Variants in CD160 observed in about 807,000 individuals in gnomAD.
CD160 encodes CD160 molecule, also known as CD160 antigen.
In CD160, 11 loss-of-function variants were observed where a neutral mutation model predicts 19.2. The ratio of observed to expected loss-of-function variants is 0.57; its 90% CI spans 0.36 to 0.95. The LOEUF (loss-of-function observed/expected upper bound fraction) is 0.95, where lower values mean the gene tolerates loss of function less well. CD160 is among the 40% of genes least tolerant of loss of function. The probability of loss-of-function intolerance (pLI) is 0.01; values close to 1 mark genes in which losing one functional copy is unlikely to be tolerated. For synonymous variants in CD160, 75 were observed against 81.1 expected (o/e 0.93, Z 0.40); for missense variants, 182 against 213.2 (o/e 0.85, Z 0.91).
intron 2 of CD160, among the ~76,000 whole-genome samples, chr1:145,725,359 C>A (rs184939545): frequency 6.6e-6 from 1 of 151,992 alleles, no homozygotes; most frequent in African/African-American, 2.4e-5. Flanking sequence ...GCAGGAGAAT[C>A]GCTTGAACCC....
chr1:145,727,553 T>A (rs1016218894), intron 2 of CD160, among the ~76,000 whole-genome samples: 3 of 152,106 alleles, frequency 2.0e-5, no homozygotes, highest in African/African-American at 7.2e-5. Context: ...AAGATAGATA[T>A]GTTGTATTTA....
intron 4 of CD160, among the ~76,000 whole-genome samples, chr1:145,734,696 A>C (rs1657414960): frequency 6.6e-6 from 1 of 152,236 alleles, no homozygotes; most frequent in African/African-American, 2.4e-5. Flanking sequence ...CTAAGGAAGA[A>C]TGCTTTTCTC....
At chr1:145,726,041 AAG>A (rs1422633293) in intron 2 of CD160, among the ~76,000 whole-genome samples, 2 of 152,178 alleles carry the variant, frequency 1.3e-5, no homozygotes, top group African/African-American at 4.8e-5. Flanking sequence ...GAATGATATA[AAG>A]AGACTGAAAA....
chr1:145,735,628 G>C (rs374902790), intron 4 of CD160, among the ~76,000 whole-genome samples: 3 of 151,926 alleles, frequency 2.0e-5, no homozygotes, highest in South Asian at 2.1e-4. Flanking sequence ...AAAAAACCCA[G>C]ATCTATTCCA....
At chr1:145,724,042 G>T (rs782664375) in intron 1 of CD160, among the ~76,000 whole-genome samples, 2 of 152,086 alleles carry the variant, frequency 1.3e-5, no homozygotes, top group African/African-American at 4.8e-5. Context: ...CCAAAGCTCC[G>T]TAACAATGTA....
At chr1:145,737,255 GAAA>G (rs879979156) in intron 5 of CD160, 46 of 85,778 alleles carry the variant, frequency 5.4e-4, no homozygotes, top group Admixed American at 5.3e-3. Flanking sequence ...TTTCTCAAAG[GAAA>G]AAAAAAAAAA....
intron 2 of CD160, among the ~76,000 whole-genome samples, chr1:145,727,344 C>T (rs1175292324): frequency 2.2e-5 from 1 of 44,490 alleles, no homozygotes; most frequent in Non-Finnish European, 4.0e-5. Flanking sequence ...ACTTATTAAA[C>T]CATTTTCCCT....
At chr1:145,730,036 A>G (rs587666800) in intron 3 of CD160, among the ~76,000 whole-genome samples, 1 of 152,284 alleles carries the variant, frequency 6.6e-6, no homozygotes, top group Non-Finnish European at 1.5e-5. Flanking sequence ...TTAAACTCTG[A>G]GAGTGGCCAG....
chr1:145,720,912 G>A (rs1656814067), intron 1 of CD160, among the ~76,000 whole-genome samples: 1 of 152,176 alleles, frequency 6.6e-6, no homozygotes, highest in Non-Finnish European at 1.5e-5. Context: ...GTTTCCCGCC[G>A]TCTGTGAGCT....
chr1:145,724,148 A>G (rs1656963660), intron 1 of CD160, among the ~76,000 whole-genome samples: 1 of 152,166 alleles, frequency 6.6e-6, no homozygotes. Flanking sequence ...ACAGGTGGTA[A>G]TTCTGAAATT....
At chr1:145,728,151 C>T (rs1657125449) in intron 2 of CD160, 105 bp from the exon 3 acceptor site, 1 of 583,902 alleles carries the variant, frequency 1.7e-6, no homozygotes, top group Admixed American at 2.7e-5. Context: ...CCAAGCCCTC[C>T]TCTACCTCCA....
At chr1:145,722,566 T>C (rs1288334152) in intron 1 of CD160, among the ~76,000 whole-genome samples, 1 of 152,042 alleles carries the variant, frequency 6.6e-6, no homozygotes, top group Non-Finnish European at 1.5e-5. Flanking sequence ...CTTGACCGAG[T>C]CATGCAACTA....
chr1:145,732,115 A>G (rs183628379), intron 4 of CD160, among the ~76,000 whole-genome samples: 187 of 152,284 alleles, frequency 1.2e-3, no homozygotes, highest in Middle Eastern at 3.4e-3. Flanking sequence ...GCCCAACAGA[A>G]AGTGTCTCTC....
rs1657249724 is a variant in CD160 at position 145,730,631 on chromosome 1, T to C, written c.74-113T>C. ...TGTATTTCCTGTCTGCCAGCACTAC[T>C]GCCAGGTTCTGCTTCAGTCCTTCCT... On this transcript the variant is annotated intron_variant, in intron 3 of 5. Coordinates refer to ENST00000369288, the MANE Select transcript of CD160 (RefSeq NM_007053.4). 3.9e-6 allele frequency: 3 copies of C among 777,256 alleles called. No individual in the cohort carries two copies. The Admixed American group carries it at 7.7e-5, about 20-fold the overall frequency. The allele number at this position is 777,256 out of a possible 1,614,324, so 48.1% of individuals were successfully genotyped here.
chr1:145,728,225 C>T, intron 2 of CD160, 31 bp from the exon 3 acceptor site: 1 of 790,108 alleles, frequency 1.3e-6, no homozygotes, highest in East Asian at 2.6e-5. Context: ...CCCTGGAAGG[C>T]TTTGTCTAGT....
rs1003193684 is a variant in CD160 at position 145,738,393 on chromosome 1, G to C, written c.539-93G>C. On this transcript the variant is annotated intron_variant, in intron 5 of 5. Transcript: ENST00000369288. ...CTTTACAGTCATGAGGGCCTATCACGCACGCATCTCAGGACAGGTGAGACT... is the reference window on the plus strand; with the variant it reads ...CTTTACAGTCATGAGGGCCTATCACCCACGCATCTCAGGACAGGTGAGACT... 3.9e-6 allele frequency: 3 copies of C among 759,566 alleles called. No individual in the cohort carries two copies. In the African/African-American group the frequency reaches 5.4e-5, roughly 14 times the overall value. The allele number at this position is 759,566 out of a possible 1,614,324, so 47.1% of individuals were successfully genotyped here.
intron 4 of CD160, among the ~76,000 whole-genome samples, chr1:145,731,825 T>C (rs1454801025): frequency 3.3e-5 from 5 of 152,078 alleles, no homozygotes; most frequent in African/African-American, 1.2e-4. Flanking sequence ...GAGCATTTAG[T>C]TGGAGGAAAC....
chr1:145,738,142 T>A (rs1657569676), intron 5 of CD160: 1 of 177,660 alleles, frequency 5.6e-6, no homozygotes, highest in African/African-American at 2.3e-5. Context: ...TCAGTGAATA[T>A]CCTTGTCTTA....
At position 145,733,176 on chromosome 1, in the gene CD160, C is replaced by T. The variant is rs182310853; in HGVS notation, c.400+2106C>T. On this transcript the variant is annotated intron_variant, in intron 4 of 5. Coordinates refer to ENST00000369288, the MANE Select transcript of CD160 (RefSeq NM_007053.4). Reference sequence around the variant, plus strand: ...TGAGACAGACTCTCACTCTGTGGTCCGGGCTGGAGAGCAGTGGCGTGATCT... The same window carrying T: ...TGAGACAGACTCTCACTCTGTGGTCTGGGCTGGAGAGCAGTGGCGTGATCT... Among the ~76,000 whole-genome samples, 8 of 152,018 alleles carry T rather than the reference C, an allele frequency of 5.3e-5. No homozygotes were observed. In the South Asian group the frequency reaches 6.2e-4, roughly 12 times the overall value.
Sources: gnomAD v4.1 joint callset for allele counts (sites outside exome capture counted in the v4.1 genomes callset) on GRCh38, gnomAD v4.1.1 for gene constraint, MANE v1.5 for transcripts, NCBI Gene and HGNC (gene_info 2026-07-23, HGNC 2026-07-21) for gene names.